Variants in IGF2BP3 observed in about 807,000 individuals in gnomAD.
IGF2BP3 encodes insulin-like growth factor 2 mRNA-binding protein 3.
IGF2BP3 carries 9 observed loss-of-function variants against 73.8 expected under a neutral mutation model. The observed-to-expected ratio is 0.12, with a 90% CI of 0.07 to 0.21. The LOEUF (loss-of-function observed/expected upper bound fraction) is 0.21. Among genes scored for constraint, IGF2BP3 ranks in the 10% least tolerant of loss-of-function variants. IGF2BP3 has a pLI of 1.00. For missense variants in IGF2BP3, 542 were observed against 714.0 expected (o/e 0.76, Z 2.75); for synonymous variants, 258 against 256.7 (o/e 1.01, Z -0.05).
intron 12 of IGF2BP3, among the ~76,000 whole-genome samples, chr7:23,314,687 G>C (rs941995753): frequency 6.6e-6 from 1 of 152,044 alleles, no homozygotes; most frequent in African/African-American, 2.4e-5. Flanking sequence ...CATCTACATG[G>C]GCCAGTTAGA....
chr7:23,317,077 A>G (rs921254274), intron 12 of IGF2BP3, among the ~76,000 whole-genome samples: 4 of 152,228 alleles, frequency 2.6e-5, no homozygotes, highest in Non-Finnish European at 5.9e-5. Context: ...CAGCTCTACC[A>G]TCTCTCAGTA....
At chr7:23,399,482 C>A (rs2128525001) in intron 3 of IGF2BP3, among the ~76,000 whole-genome samples, 1 of 151,400 alleles carries the variant, frequency 6.6e-6, no homozygotes, top group East Asian at 1.9e-4. Flanking sequence ...CTGGGAAAGG[C>A]AAGCAAACGG....
chr7:23,460,772 A>G (rs917810773), intron 2 of IGF2BP3, among the ~76,000 whole-genome samples: 2 of 152,106 alleles, frequency 1.3e-5, no homozygotes, highest in Non-Finnish European at 2.9e-5. Flanking sequence ...CAACATGGTG[A>G]AACCCTGCCT....
chr7:23,441,305 T>C (rs1417087968), intron 2 of IGF2BP3, among the ~76,000 whole-genome samples: 2 of 152,118 alleles, frequency 1.3e-5, no homozygotes, highest in Non-Finnish European at 2.9e-5. Context: ...CCAGGCACGG[T>C]GGTTCACACC....
intron 2 of IGF2BP3, among the ~76,000 whole-genome samples, chr7:23,445,100 C>T (rs181342136): frequency 8.5e-5 from 13 of 152,202 alleles, no homozygotes; most frequent in African/African-American, 3.1e-4. Flanking sequence ...AGGTATGGTG[C>T]TAAGTCGTAT....
At chr7:23,351,882 G>T (rs1340382257) in intron 5 of IGF2BP3, among the ~76,000 whole-genome samples, 1 of 152,130 alleles carries the variant, frequency 6.6e-6, no homozygotes, top group Non-Finnish European at 1.5e-5. Flanking sequence ...AAAACATTTT[G>T]TCAAACTCTT....
rs1787265446 is a variant in IGF2BP3 at position 23,418,819 on chromosome 7, C to T, written c.242G>A (p.Arg81Gln). Residue 81 changes from arginine to glutamine, a missense_variant, in exon 3 of 15, where the codon CGG (arginine) becomes CAG (glutamine). Arg to Gln is a conservative substitution (Grantham distance 43). Transcript: ENST00000258729. Reference protein sequence around the residue: ...EHSVPKRQRIRKLQIRNIPPH... With the variant: ...EHSVPKRQRIQKLQIRNIPPH... ...CGGGATATTTCGTATCTGAAGTTTC[C>T]GAATCCTGCAGAAGAATTAAAATGT... is the stretch of plus-strand genomic sequence containing the variant. The T allele has an allele frequency of 2.5e-6, 4 of 1,572,630 alleles. No individual in the cohort carries two copies. The highest frequency in any genetic ancestry group is 3.5e-6 in the Non-Finnish European group (4 of 1,152,598).
intron 3 of IGF2BP3, among the ~76,000 whole-genome samples, chr7:23,370,656 G>A (rs570297348): frequency 2.6e-5 from 4 of 151,882 alleles, no homozygotes; most frequent in Admixed American, 2.0e-4. Flanking sequence ...GGCAAAGGAA[G>A]CTAGTTCTAG....
At chr7:23,455,504 T>C (rs1220351502) in intron 2 of IGF2BP3, among the ~76,000 whole-genome samples, 1 of 152,216 alleles carries the variant, frequency 6.6e-6, no homozygotes, top group Non-Finnish European at 1.5e-5. Flanking sequence ...TTCTGGGGCA[T>C]CTCACATATA....
chr7:23,382,894 C>CAAAAAAAAAAA (rs57466793), intron 3 of IGF2BP3, among the ~76,000 whole-genome samples: 5 of 49,110 alleles, frequency 1.0e-4, no homozygotes, highest in African/African-American at 1.8e-4. Flanking sequence ...CTAGCTCTAC[C>CAAAAAAAAAAA]AAAAAAAAAA....
intron 9 of IGF2BP3, 83 bp downstream of exon 9, chr7:23,343,635 A>G (rs1286834217): frequency 1.5e-6 from 2 of 1,344,546 alleles, no homozygotes; most frequent in South Asian, 1.2e-5. Flanking sequence ...TAATGCCACA[A>G]AAGAATTCAA....
Position 23,420,683 on chromosome 7 carries a change from T to C in IGF2BP3, c.237-1859A>G, listed in dbSNP as rs773398224. Among the ~76,000 whole-genome samples, 4 of 152,146 alleles carry C rather than the reference T, an allele frequency of 2.6e-5. No homozygotes were observed. In the South Asian group the frequency reaches 6.2e-4, roughly 24 times the overall value. On this transcript the variant is annotated intron_variant, in intron 2 of 14. Coordinates refer to ENST00000258729, the MANE Select transcript of IGF2BP3 (RefSeq NM_006547.3). The stretch of plus-strand genomic sequence containing the variant: ...GAACAAACAAATACCACAGCTGCCA[T>C]TGATCCCTTCGAGAACAACAAAGAA...
intron 2 of IGF2BP3, among the ~76,000 whole-genome samples, chr7:23,444,833 C>T (rs192667811): frequency 5.3e-5 from 8 of 151,940 alleles, no homozygotes; most frequent in Admixed American, 2.0e-4. Context: ...AATCTGAGGC[C>T]GAAGGAGGAG....
At chr7:23,364,833 G>A (rs1785327930) in intron 3 of IGF2BP3, among the ~76,000 whole-genome samples, 1 of 151,818 alleles carries the variant, frequency 6.6e-6, no homozygotes, top group Non-Finnish European at 1.5e-5. Context: ...AGGGGTTCAG[G>A]GACTAGGAGG....
At position 23,364,037 on chromosome 7, in the gene IGF2BP3, G is replaced by A. The variant is rs371211088; in HGVS notation, c.286-2296C>T. Among the ~76,000 whole-genome samples, 62 of 152,308 alleles carry A rather than the reference G, an allele frequency of 4.1e-4. No individual in the cohort carries two copies. In the East Asian group the frequency reaches 8.5e-3, roughly 21 times the overall value. On this transcript the variant is annotated intron_variant, in intron 3 of 14. Coordinates refer to ENST00000258729, the MANE Select transcript of IGF2BP3 (RefSeq NM_006547.3). The stretch of plus-strand genomic sequence containing the variant: ...GTGTATCACCTGAGGTCAGGAGTTC[G>A]AGACCAGCCTGGCCAACATGGCAAA...
chr7:23,333,863 G>A (rs1713414424), intron 10 of IGF2BP3, among the ~76,000 whole-genome samples: 1 of 152,226 alleles, frequency 6.6e-6, no homozygotes, highest in Non-Finnish European at 1.5e-5. Context: ...AGACATTTCT[G>A]AACGTCGTCC....
intron 3 of IGF2BP3, chr7:23,365,710 C>T (rs994449214): frequency 1.3e-5 from 2 of 152,202 alleles, no homozygotes; most frequent in Admixed American, 1.3e-4. Context: ...ACAAGGGTAT[C>T]CATGGAGTGG....
At chr7:23,454,745 G>C (rs1183858094) in intron 2 of IGF2BP3, among the ~76,000 whole-genome samples, 1 of 152,180 alleles carries the variant, frequency 6.6e-6, no homozygotes, top group Non-Finnish European at 1.5e-5. Flanking sequence ...CTGTACTGCT[G>C]TCCCCAACTT....
chr7:23,399,302 G>A (rs1786584316), intron 3 of IGF2BP3, among the ~76,000 whole-genome samples: 1 of 151,806 alleles, frequency 6.6e-6, no homozygotes, highest in Non-Finnish European at 1.5e-5. Context: ...TAAATGACGA[G>A]TTAATGGGTG....
Sources: gnomAD v4.1 joint callset for allele counts (sites outside exome capture counted in the v4.1 genomes callset) on GRCh38, gnomAD v4.1.1 for gene constraint, MANE v1.5 for transcripts, NCBI Gene and HGNC (gene_info 2026-07-23, HGNC 2026-07-21) for gene names.